ADGRA1: variants seen among roughly 807,000 people sequenced by gnomAD.
The protein encoded by ADGRA1 is G-protein coupled receptor 123.
ADGRA1 carries 12 observed loss-of-function variants against 21.3 expected under a neutral mutation model. The observed-to-expected ratio is 0.56, with a 90% CI of 0.36 to 0.91. ADGRA1 has a LOEUF of 0.91. ADGRA1 is among the 40% of genes least tolerant of loss of function. The pLI is 0.01. For synonymous variants in ADGRA1, 385 were observed against 368.8 expected, an observed-to-expected ratio of 1.04 and a Z score of -0.50; for missense variants, 790 against 805.6, an observed-to-expected ratio of 0.98 and a Z score of 0.23.
chr10:133,093,077 C>A lies in ADGRA1; in HGVS notation c.4-3897C>A, dbSNP rs371329462. Reference sequence around the variant, plus strand: ...CTGTGTAGGAAAGAAGGTTCCTCAGCCAGTTGGAGCTGCAGACCTAGCCCC... The same window carrying A: ...CTGTGTAGGAAAGAAGGTTCCTCAGACAGTTGGAGCTGCAGACCTAGCCCC... On this transcript the variant is annotated intron_variant, in intron 2 of 6. Transcript: ENST00000392607. 2.8e-5 allele frequency: 45 copies of A among 1,596,456 alleles called. 1 individual carries two copies. In the African/African-American group the frequency reaches 5.4e-4, roughly 19 times the overall value.
At position 133,127,227 on chromosome 10, in the gene ADGRA1, C is replaced by T. The variant is rs374930622; in HGVS notation, c.402-6C>T. On this transcript the variant is annotated splice_polypyrimidine_tract_variant and splice_region_variant and intron_variant, in intron 5 of 6. Transcript: ENST00000392607. ...GCAAGGGGGTCAACGCCTTCCTCCC[C>T]GGCAGGTTTTACCTCGTCAGCGGAG... is the stretch of plus-strand genomic sequence containing the variant. The T allele has an allele frequency of 3.1e-4, 488 of 1,567,730 alleles. 4 individuals carry two copies. Among genetic ancestry groups the T allele is most frequent in the South Asian group, 2.6e-3 (225 of 85,354 alleles).
intron 5 of ADGRA1, among the ~76,000 whole-genome samples, chr10:133,117,884 C>T (rs1852187527): frequency 6.6e-6 from 1 of 152,228 alleles, no homozygotes; most frequent in Admixed American, 6.5e-5. Context: ...AGCCAGTGGC[C>T]AGACAGCAAT....
chr10:133,118,844 C>T (rs923940864), intron 5 of ADGRA1, among the ~76,000 whole-genome samples: 4 of 151,788 alleles, frequency 2.6e-5, no homozygotes, highest in African/African-American at 9.7e-5. Flanking sequence ...CCTGTACCAC[C>T]TCTTCAGTGT....
chr10:133,098,718 C>T lies in ADGRA1; in HGVS notation c.210C>T (p.Phe70=), dbSNP rs751421975. 59 of 1,611,802 alleles carry T rather than the reference C, an allele frequency of 3.7e-5. No homozygotes were observed. Among genetic ancestry groups the T allele is most frequent in the South Asian group, 2.0e-4 (18 of 91,080 alleles). ...CFHAALTFTV[F]AGGINRTKYP... The stretch of plus-strand genomic sequence containing the variant: ...ACGCGGCCCTGACCTTCACTGTGTT[C>T]GCCGGCGGCATCAATCGCACCAAGT... Residue 70 remains phenylalanine, a synonymous_variant, in exon 4 of 7, where the codon TTC becomes TTT. Transcript: ENST00000392607.
chr10:133,114,058 G>C (rs188773708), intron 5 of ADGRA1, among the ~76,000 whole-genome samples: 1 of 152,220 alleles, frequency 6.6e-6, no homozygotes, highest in South Asian at 2.1e-4. Flanking sequence ...TCTCCTGCCC[G>C]GTCCTGTTGT....
chr10:133,124,110 G>A (rs1852328898), intron 5 of ADGRA1, among the ~76,000 whole-genome samples: 1 of 152,058 alleles, frequency 6.6e-6, no homozygotes, highest in Non-Finnish European at 1.5e-5. Flanking sequence ...ATGCACTCAG[G>A]GCTGGTCCCA....
At chr10:133,107,604 G>A (rs1338918878) in intron 5 of ADGRA1, among the ~76,000 whole-genome samples, 1 of 152,172 alleles carries the variant, frequency 6.6e-6, no homozygotes, top group East Asian at 1.9e-4. Context: ...GTTGACTTGA[G>A]CTCATTTTTC....
chr10:133,109,529 G>A (rs893308963), intron 5 of ADGRA1, among the ~76,000 whole-genome samples: 9 of 151,958 alleles, frequency 5.9e-5, no homozygotes, highest in East Asian at 1.9e-4. Flanking sequence ...ACTGAGGGTC[G>A]GTCCCTCCAG....
intron 5 of ADGRA1, among the ~76,000 whole-genome samples, chr10:133,104,635 G>C (rs1851860875): frequency 6.6e-6 from 1 of 152,166 alleles, no homozygotes; most frequent in African/African-American, 2.4e-5. Context: ...CCCTTCCTGT[G>C]TAAGAAAGGT....
intron 2 of ADGRA1, among the ~76,000 whole-genome samples, chr10:133,091,356 C>T (rs1035541115): frequency 2.6e-5 from 4 of 151,166 alleles, no homozygotes; most frequent in Admixed American, 6.6e-5. Context: ...GTGGGATGGG[C>T]GGTGTGGCTG....
At chr10:133,121,839 G>A (rs1022456654) in intron 5 of ADGRA1, among the ~76,000 whole-genome samples, 3 of 148,302 alleles carry the variant, frequency 2.0e-5, no homozygotes, top group African/African-American at 7.5e-5. Flanking sequence ...GTGCATATAT[G>A]TGTGCCTGTG....
rs150832996 is a variant in ADGRA1 at position 133,125,038 on chromosome 10, C to G, written c.402-2195C>G. Among the ~76,000 whole-genome samples the G allele has an allele frequency of 6.6e-3, 1,002 of 152,394 alleles. 6 individuals are homozygous for G. Among genetic ancestry groups the G allele is most frequent in the Non-Finnish European group, 0.011 (755 of 68,042 alleles). ...GGACACTTCTGCGTCCCCTGGGCCC[C>G]TCTATCTCCCTGTCTTATCGTCTAC... On this transcript the variant is annotated intron_variant, in intron 5 of 6. Transcript: ENST00000392607.
chr10:133,116,855 C>T (rs1014397109), intron 5 of ADGRA1, among the ~76,000 whole-genome samples: 1 of 152,168 alleles, frequency 6.6e-6, no homozygotes, highest in African/African-American at 2.4e-5. Context: ...GAGACTCCTC[C>T]AGGAACCCAA....
chr10:133,128,617 G>A lies in ADGRA1; in HGVS notation c.789G>A (p.Leu263=). 6.2e-7 allele frequency: 1 copy of A among 1,605,462 alleles called. No individual in the cohort carries two copies. Among genetic ancestry groups the A allele is most frequent in the Non-Finnish European group, 8.5e-7 (1 of 1,177,818 alleles). Residue 263 remains leucine, a synonymous_variant, in exon 7 of 7, where the codon CTG becomes CTA. Transcript: ENST00000392607. The stretch of plus-strand genomic sequence containing the variant: ...AGCTGCGCGCCGCCGCCTTCACGCT[G>A]TTCCTGTTCACGGCCACGTGGGCCT... ...QAQLRAAAFT[L]FLFTATWAFG...
chr10:133,128,354 C>T lies in ADGRA1; in HGVS notation c.526C>T (p.Leu176=). The change falls in exon 7 of 7, where the codon CTG becomes TTG. Residue 176 remains leucine (L), a synonymous_variant. Coordinates refer to ENST00000392607, the MANE Select transcript of ADGRA1 (RefSeq NM_001083909.3). Reference sequence around the variant, plus strand: ...CTGCTGGATGGCCTGGGAGCCCAGCCTGGGCGCCTTCTACGGCCCAGCCGC... The same window carrying T: ...CTGCTGGATGGCCTGGGAGCCCAGCTTGGGCGCCTTCTACGGCCCAGCCGC... The part of the protein sequence containing the change: ...AYCWMAWEPS[L]GAFYGPAAII... The T allele has an allele frequency of 6.4e-7, 1 of 1,561,674 alleles. No individual in the cohort carries two copies. The highest frequency in any genetic ancestry group is 8.7e-7 in the Non-Finnish European group (1 of 1,155,344).
chr10:133,110,066 C>A (rs1395316376), intron 5 of ADGRA1, among the ~76,000 whole-genome samples: 2 of 152,226 alleles, frequency 1.3e-5, no homozygotes, highest in Middle Eastern at 6.3e-3. Flanking sequence ...TGTGGTTTGT[C>A]TCCACAGAAG....
At chr10:133,106,952 A>T (rs573272939) in intron 5 of ADGRA1, among the ~76,000 whole-genome samples, 53 of 152,218 alleles carry the variant, frequency 3.5e-4, no homozygotes, top group Non-Finnish European at 6.5e-4. Flanking sequence ...TTTCAACAGC[A>T]CCACGTCTTC....
chr10:133,128,267 A>AG, intron 6 of ADGRA1, 62 bp from the exon 7 acceptor site: 6 of 1,319,730 alleles, frequency 4.5e-6, no homozygotes, highest in Non-Finnish European at 6.1e-6. Flanking sequence ...TTTGCTCTGC[A>AG]GGGGGCGTCC....
intron 5 of ADGRA1, among the ~76,000 whole-genome samples, chr10:133,109,208 C>T (rs142107238): frequency 2.6e-4 from 39 of 152,240 alleles, no homozygotes; most frequent in African/African-American, 7.7e-4. Flanking sequence ...CTCTCTACCC[C>T]CTTTCCCAGA....
Sources: allele counts gnomAD v4.1 joint callset (sites outside exome capture counted in the v4.1 genomes callset), GRCh38; gene constraint gnomAD v4.1.1; transcripts MANE v1.5; gene names NCBI Gene and HGNC (gene_info 2026-07-23, HGNC 2026-07-21).